Variants in TNFRSF10A observed in about 807,000 individuals in gnomAD.
TNFRSF10A encodes the protein TNF receptor superfamily member 10a.
TNFRSF10A carries 44 observed loss-of-function variants against 42.8 expected under a neutral mutation model. The ratio of observed to expected loss-of-function variants is 1.03; its 90% CI spans 0.81 to 1.32. The LOEUF (loss-of-function observed/expected upper bound fraction) is 1.32, where lower values mean the gene tolerates loss of function less well. TNFRSF10A is among the 40% of genes most tolerant of loss of function. TNFRSF10A has a pLI of 0.00. For missense variants in TNFRSF10A, 680 were observed against 602.0 expected (o/e 1.13, Z -1.36); for synonymous variants, 259 against 234.2 (o/e 1.11, Z -0.97).
rs1371044304 is a variant in TNFRSF10A, at chr8:23,199,411, C to T, written c.869G>A (p.Gly290Glu). ...FWRLGLLRGP[G>E]AEDNAHNEIL... is the part of the protein sequence containing the mutation. ...CTCGTTGTGAGCATTGTCCTCAGCC[C>T]CAGGCCCTCGTAGGAGACCCAAGCG... The change falls in exon 8 of 10, where the codon GGG (glycine) becomes GAG (glutamate). Residue 290 changes from glycine (G) to glutamate (E), a missense_variant. Transcript: ENST00000221132. 3.1e-6 allele frequency: 5 copies of T among 1,613,458 alleles called. No homozygotes were observed. The highest frequency in any genetic ancestry group is 1.3e-5 in the African/African-American group (1 of 74,918).
intron 2 of TNFRSF10A, among the ~76,000 whole-genome samples, chr8:23,209,557 G>C (rs1210664100): frequency 6.6e-6 from 1 of 152,238 alleles, no homozygotes; most frequent in Admixed American, 6.5e-5. Flanking sequence ...GCATCAGTGT[G>C]ACCTGGATGT....
Position 23,192,031 on chromosome 8 carries a change from C to G in TNFRSF10A, c.1088-18G>C. The G allele has an allele frequency of 6.2e-7, 1 of 1,600,334 alleles. No homozygotes were observed. The highest frequency in any genetic ancestry group is 8.5e-7 in the Non-Finnish European group (1 of 1,174,844). The stretch of plus-strand genomic sequence containing the variant: ...CATCAGAGCTGGGTGGAGAAAGCCA[C>G]AGAGACAGCCAGATGAGTTGGGACT... On this transcript the variant is annotated intron_variant, in intron 9 of 9. Transcript: ENST00000221132.
chr8:23,191,783 C>T lies in TNFRSF10A; in HGVS notation c.1318G>A (p.Ala440Thr). The T allele has an allele frequency of 1.2e-6, 2 of 1,614,134 alleles. No homozygotes were observed. Among genetic ancestry groups the T allele is most frequent in the East Asian group, 2.2e-5 (1 of 44,876 alleles). Residue 440 changes from alanine to threonine, a missense_variant, in exon 10 of 10, where the codon GCA (alanine) becomes ACA (threonine). Coordinates refer to ENST00000221132, the MANE Select transcript of TNFRSF10A (RefSeq NM_003844.4). ...DALERMEERH[A>T]REKIQDLLVD... ...AAGAGGTCCTGAATCTTCTCTCTTG[C>T]ATGTCTCTCTTCCATCCTCTCCAAG...
At chr8:23,198,167 G>A (rs1800850689) in intron 8 of TNFRSF10A, among the ~76,000 whole-genome samples, 1 of 152,108 alleles carries the variant, frequency 6.6e-6, no homozygotes, top group Admixed American at 6.5e-5. Flanking sequence ...AGGGAAATGG[G>A]AGAATCGGCA....
chr8:23,191,979 G>A lies in TNFRSF10A; in HGVS notation c.1122C>T (p.Ile374=), dbSNP rs145547481. ...GCTGGTCCCAGGAGTCAAAGGGCAC[G>A]ATGTTTGCAAACTTGTCAAAGAACA... is the stretch of plus-strand genomic sequence containing the variant. ...LMLFFDKFAN[I]VPFDSWDQLM... The change falls in exon 10 of 10, where the codon ATC becomes ATT. Residue 374 remains isoleucine (I), a synonymous_variant. Transcript: ENST00000221132. 8.1e-6 allele frequency: 13 copies of A among 1,614,046 alleles called. No individual in the cohort carries two copies. Among genetic ancestry groups the A allele is most frequent in the South Asian group, 2.2e-5 (2 of 91,076 alleles).
intron 1 of TNFRSF10A, among the ~76,000 whole-genome samples, chr8:23,218,156 T>TTG (rs1466369552): frequency 2.7e-5 from 4 of 149,108 alleles, no homozygotes; most frequent in Non-Finnish European, 6.0e-5. Flanking sequence ...GTGTGTGTGT[T>TTG]TGTGTGTGTG....
intron 8 of TNFRSF10A, among the ~76,000 whole-genome samples, chr8:23,198,015 C>T (rs751228080): frequency 2.0e-5 from 3 of 151,610 alleles, no homozygotes; most frequent in Non-Finnish European, 4.4e-5. Flanking sequence ...TTAATGTTTG[C>T]CTTCTTTTTT....
chr8:23,199,129 G>A, intron 8 of TNFRSF10A, 137 bp downstream of exon 8: 2 of 976,360 alleles, frequency 2.0e-6, no homozygotes, highest in Non-Finnish European at 3.0e-6. Context: ...TTGTGAGGGT[G>A]GCTGCTTTTT....
intron 1 of TNFRSF10A, among the ~76,000 whole-genome samples, chr8:23,217,437 G>C (rs1453010325): frequency 1.3e-5 from 2 of 152,036 alleles, no homozygotes; most frequent in Non-Finnish European, 2.9e-5. Flanking sequence ...GGATGGTCTC[G>C]ATCTCCTTGA....
chr8:23,214,270 G>A (rs1801142964), intron 1 of TNFRSF10A, among the ~76,000 whole-genome samples: 1 of 152,070 alleles, frequency 6.6e-6, no homozygotes, highest in African/African-American at 2.4e-5. Context: ...GGCAGATCAC[G>A]AAGTCAGGAG....
intron 1 of TNFRSF10A, among the ~76,000 whole-genome samples, chr8:23,223,930 G>T (rs1801292367): frequency 6.6e-6 from 1 of 152,228 alleles, no homozygotes; most frequent in Non-Finnish European, 1.5e-5. Context: ...GAAGGAAACT[G>T]CTGCCGGTGT....
At position 23,191,096 on chromosome 8, in the gene TNFRSF10A, A is replaced by G. The variant is rs1176749150; in HGVS notation, c.*598T>C. ...TTTTCCACTCAGTCCACCCGATCGCATGCCAATCCCCTCTGGAAACACCCT... is the reference window on the plus strand; with the variant it reads ...TTTTCCACTCAGTCCACCCGATCGCGTGCCAATCCCCTCTGGAAACACCCT... On this transcript the variant is annotated 3_prime_UTR_variant, in exon 10 of 10. Coordinates refer to ENST00000221132, the MANE Select transcript of TNFRSF10A (RefSeq NM_003844.4). 1 of 152,190 alleles carries G rather than the reference A, an allele frequency of 6.6e-6. No homozygotes were observed. Among genetic ancestry groups the G allele is most frequent in the Non-Finnish European group, 1.5e-5 (1 of 68,244 alleles). 9.4% of individuals were successfully genotyped at this position (152,190 alleles called of 1,614,324 possible). A position where few individuals can be genotyped will look rare whatever the true frequency, so the allele number is the denominator to read the frequency against.
intron 9 of TNFRSF10A, among the ~76,000 whole-genome samples, chr8:23,192,218 A>T (rs1317149802): frequency 6.6e-6 from 1 of 152,156 alleles, no homozygotes; most frequent in Non-Finnish European, 1.5e-5. Flanking sequence ...CAAGGCGCTG[A>T]CGGGCGTCAA....
At chr8:23,203,114 T>A (rs537488690) in intron 2 of TNFRSF10A, among the ~76,000 whole-genome samples, 3 of 152,364 alleles carry the variant, frequency 2.0e-5, no homozygotes, top group African/African-American at 7.2e-5. Flanking sequence ...TATTTTCTTT[T>A]ATTTTGAATA....
chr8:23,197,081 C>T, intron 9 of TNFRSF10A, 51 bp downstream of exon 9: 1 of 1,609,730 alleles, frequency 6.2e-7, no homozygotes, highest in Non-Finnish European at 8.5e-7. Context: ...AGTTAGGACA[C>T]CGTCCCTATT....
Position 23,200,575 on chromosome 8 carries a change from A to AATC in TNFRSF10A, c.726_728dup (p.Val242_Ile243insMet). ...ACGGAACAACCAAAGTCACAACCAA[A>AATC]ATCACCCATATATTATGTCCATTGC... On this transcript the variant is annotated inframe_insertion, in exon 6 of 10. Transcript: ENST00000221132. 6.2e-7 allele frequency: 1 copy of AATC among 1,614,126 alleles called. No homozygotes were observed. Among genetic ancestry groups the AATC allele is most frequent in the African/African-American group, 1.3e-5 (1 of 75,026 alleles).
chr8:23,199,325 C>A lies in TNFRSF10A; in HGVS notation c.955G>T (p.Glu319Ter). The change falls in exon 8 of 10, where the codon GAG (glutamate) becomes TAG (stop). Residue 319 changes from glutamate (E) to a stop codon, truncating the protein, a stop_gained. Transcript: ENST00000221132. LOFTEE classifies it high-confidence loss of function. ...GTGACACCTGTCAAATCTGCCGGCTCCTGGCTTTCCATTTGCTGCTCAGAG... is the reference window on the plus strand; with the variant it reads ...GTGACACCTGTCAAATCTGCCGGCTACTGGCTTTCCATTTGCTGCTCAGAG... ...FVSEQQMESQ[E>*]PADLTGVTVQ... 6.2e-7 allele frequency: 1 copy of A among 1,614,234 alleles called. No homozygotes were observed. Among genetic ancestry groups the A allele is most frequent in the Non-Finnish European group, 8.5e-7 (1 of 1,180,028 alleles).
intron 2 of TNFRSF10A, among the ~76,000 whole-genome samples, chr8:23,208,865 C>T (rs368267831): frequency 8.3e-4 from 126 of 152,304 alleles, no homozygotes; most frequent in African/African-American, 2.9e-3. Context: ...AAGATGGCTG[C>T]ATAAATTTGC....
chr8:23,204,998 A>G, intron 2 of TNFRSF10A, among the ~76,000 whole-genome samples: 1 of 152,062 alleles, frequency 6.6e-6, no homozygotes, highest in South Asian at 2.1e-4. Context: ...TAACCTAATA[A>G]TCCACTCTAA....
Sources: gnomAD v4.1 joint callset for allele counts (sites outside exome capture counted in the v4.1 genomes callset) on GRCh38, gnomAD v4.1.1 for gene constraint, MANE v1.5 for transcripts, NCBI Gene and HGNC (gene_info 2026-07-23, HGNC 2026-07-21) for gene names.